SLC4A8: variants seen among roughly 807,000 people sequenced by gnomAD.
The protein encoded by SLC4A8 is solute carrier family 4 member 8.
A neutral mutation model predicts 125.0 loss-of-function variants in SLC4A8; 40 were observed. The observed-to-expected ratio is 0.32, with a 90% CI of 0.25 to 0.42. The LOEUF (loss-of-function observed/expected upper bound fraction) is 0.42, where lower values mean the gene tolerates loss of function less well. Ranked by LOEUF, SLC4A8 falls within the 10% of genes least tolerant of loss-of-function variation. The pLI is 1.00. For missense variants in SLC4A8, 863 were observed against 1,355.1 expected, an observed-to-expected ratio of 0.64 and a Z score of 5.70; for synonymous variants, 456 against 476.0, an observed-to-expected ratio of 0.96 and a Z score of 0.55.
chr12:51,393,898 T>A (rs1046097766), intron 1 of SLC4A8, among the ~76,000 whole-genome samples: 1 of 152,214 alleles, frequency 6.6e-6, no homozygotes, highest in Non-Finnish European at 1.5e-5. Flanking sequence ...CTGCTTCTAT[T>A]CTTGTCATGT....
In SLC4A8 at chr12:51,508,801, A is replaced by C. The variant is rs1592287793; in HGVS notation, c.*1363A>C. ...TAGCAAGCCCATTAGCACCCAGATAATTCTATCATGTTAGTTTCCCATCCT... is the reference window on the plus strand; with the variant it reads ...TAGCAAGCCCATTAGCACCCAGATACTTCTATCATGTTAGTTTCCCATCCT... On this transcript the variant is annotated 3_prime_UTR_variant, in exon 25 of 25. Transcript: ENST00000453097. 1 of 152,298 alleles carries C rather than the reference A, an allele frequency of 6.6e-6. No individual in the cohort carries two copies. The highest frequency in any genetic ancestry group is 1.9e-4 in the East Asian group (1 of 5,182). 9.4% of individuals were successfully genotyped at this position (152,298 alleles called of 1,614,324 possible).
At chr12:51,501,371 A>G (rs1937876713) in intron 22 of SLC4A8, among the ~76,000 whole-genome samples, 1 of 152,030 alleles carries the variant, frequency 6.6e-6, no homozygotes, top group African/African-American at 2.4e-5. Context: ...TGTGTACCCA[A>G]TGTTTAGCCT....
intron 20 of SLC4A8, 63 bp downstream of exon 20, chr12:51,493,835 A>G (rs1458010104): frequency 9.8e-7 from 1 of 1,016,162 alleles, no homozygotes; most frequent in Non-Finnish European, 1.6e-6. Context: ...CTGTCCAGGG[A>G]GGGACAGCTC....
intron 16 of SLC4A8, among the ~76,000 whole-genome samples, chr12:51,484,728 C>T (rs888758595): frequency 6.6e-6 from 1 of 152,136 alleles, no homozygotes; most frequent in Non-Finnish European, 1.5e-5. Flanking sequence ...ATTAAAGCCA[C>T]ACTATAAAGT....
chr12:51,463,410 G>GGTGTGTGT lies in SLC4A8; in HGVS notation c.1249-171_1249-164dup, dbSNP rs71731491. ...TATGGAACAGGAAGAGAAATTATGG[G>GGTGTGTGT]GTGTGTGTGTGTGTGTGTGTGTGTG... On this transcript the variant is annotated intron_variant, in intron 10 of 24. Coordinates refer to ENST00000453097, the MANE Select transcript of SLC4A8 (RefSeq NM_001039960.3). Among the ~76,000 whole-genome samples, 112 of 144,116 alleles carry GGTGTGTGT rather than the reference G, an allele frequency of 7.8e-4. 1 individual carries two copies. The highest frequency in any genetic ancestry group is 3.5e-3 in the Middle Eastern group (1 of 282). The allele number at this position is 144,116 out of a possible 152,430, so 94.5% of individuals were successfully genotyped here. A position where few individuals can be genotyped will look rare whatever the true frequency, so the allele number is the denominator to read the frequency against.
chr12:51,476,462 CAG>C (rs1375061032), intron 16 of SLC4A8, among the ~76,000 whole-genome samples: 1 of 151,460 alleles, frequency 6.6e-6, no homozygotes, highest in East Asian at 1.9e-4. Flanking sequence ...GCCTGGGCGA[CAG>C]AGTGAGACTC....
chr12:51,505,745 C>T (rs1352658615), intron 23 of SLC4A8, 90 bp from the exon 24 acceptor site: 4 of 543,414 alleles, frequency 7.4e-6, no homozygotes, highest in Admixed American at 6.5e-5. Flanking sequence ...ACCCCATCTT[C>T]TCCCTTCTAT....
In SLC4A8 at chr12:51,495,035, C is replaced by G. The variant is rs773227142; in HGVS notation, c.2860C>G (p.Leu954Val). ...LRHVPLRKVH[L>V]FTLIQLTCLV... is the part of the protein sequence containing the mutation. Reference sequence around the variant, plus strand: ...GCATGTGCCGCTGCGCAAAGTGCACCTCTTCACCCTCATCCAGTTGACCTG... The same window carrying G: ...GCATGTGCCGCTGCGCAAAGTGCACGTCTTCACCCTCATCCAGTTGACCTG... The change falls in exon 21 of 25, where the codon CTC (leucine) becomes GTC (valine). Residue 954 changes from leucine to valine, a missense_variant. Transcript: ENST00000453097. 2 of 1,614,082 alleles carry G rather than the reference C, an allele frequency of 1.2e-6. No homozygotes were observed. The highest frequency in any genetic ancestry group is 1.3e-5 in the African/African-American group (1 of 74,956).
Position 51,488,639 on chromosome 12 carries a change from A to G in SLC4A8, c.2287-60A>G, listed in dbSNP as rs202065453. The G allele has an allele frequency of 6.9e-4, 849 of 1,232,878 alleles. 5 individuals are homozygous for G. Among genetic ancestry groups the G allele is most frequent in the Non-Finnish European group, 1.5e-4 (128 of 877,006 alleles). The allele number at this position is 1,232,878 out of a possible 1,614,324, so 76.4% of individuals were successfully genotyped here. A position where few individuals can be genotyped will look rare whatever the true frequency, so the allele number is the denominator to read the frequency against. Reference sequence around the variant, plus strand: ...AATATGGATATTGTGATCCAGTTTGATATGTTTTACCCCAATGACTATAAC... The same window carrying G: ...AATATGGATATTGTGATCCAGTTTGGTATGTTTTACCCCAATGACTATAAC... On this transcript the variant is annotated intron_variant, in intron 17 of 24. Transcript: ENST00000453097.
At chr12:51,435,100 A>G (rs961199868) in intron 1 of SLC4A8, among the ~76,000 whole-genome samples, 8 of 152,088 alleles carry the variant, frequency 5.3e-5, no homozygotes, top group African/African-American at 1.4e-4. Flanking sequence ...CTTTCAGTAA[A>G]TTGGTATTTG....
chr12:51,406,096 G>T (rs2137951004), intron 1 of SLC4A8, among the ~76,000 whole-genome samples: 1 of 152,348 alleles, frequency 6.6e-6, no homozygotes, highest in Non-Finnish European at 1.5e-5. Context: ...AGTAGCAAGT[G>T]TGGTGGTAGC....
In SLC4A8 at chr12:51,508,051, G is replaced by GATGCCTC. The variant is rs1938242576; in HGVS notation, c.*614_*620dup. 1 of 152,358 alleles carries GATGCCTC rather than the reference G, an allele frequency of 6.6e-6. No individual in the cohort carries two copies. The highest frequency in any genetic ancestry group is 6.5e-5 in the Admixed American group (1 of 15,286). The allele number at this position is 152,358 out of a possible 1,614,324, so 9.4% of individuals were successfully genotyped here. On this transcript the variant is annotated 3_prime_UTR_variant, in exon 25 of 25. Transcript: ENST00000453097. ...CAGTGCCTGCCACCACAGCCAGGAAGATGCCTCTGACCTGGGTGCATCTCC... is the reference window on the plus strand; with the variant it reads ...CAGTGCCTGCCACCACAGCCAGGAAGATGCCTCATGCCTCTGACCTGGGTGCATCTCC...
intron 1 of SLC4A8, among the ~76,000 whole-genome samples, chr12:51,404,192 C>G (rs1194906327): frequency 1.3e-5 from 2 of 152,142 alleles, no homozygotes; most frequent in Admixed American, 6.5e-5. Flanking sequence ...GGCTTTGGAA[C>G]CCTGGGCTGC....
At chr12:51,453,448 G>A in intron 4 of SLC4A8, 91 bp from the exon 5 acceptor site, 1 of 1,305,354 alleles carries the variant, frequency 7.7e-7, no homozygotes, top group East Asian at 2.3e-5. Flanking sequence ...TGACTATCCA[G>A]ATATCTTCCT....
chr12:51,488,639 A>C, intron 17 of SLC4A8, 60 bp from the exon 18 acceptor site: 1 of 1,232,992 alleles, frequency 8.1e-7, no homozygotes, highest in South Asian at 1.6e-5. Flanking sequence ...ATCCAGTTTG[A>C]TATGTTTTAC....
chr12:51,392,819 CCT>C (rs1948171830), intron 1 of SLC4A8: 1 of 152,156 alleles, frequency 6.6e-6, no homozygotes, highest in Non-Finnish European at 1.5e-5. Context: ...GCTCAGTGGT[CCT>C]CTCCGGCGCT....
intron 22 of SLC4A8, among the ~76,000 whole-genome samples, chr12:51,498,155 A>G (rs1398755051): frequency 2.0e-5 from 3 of 152,148 alleles, no homozygotes; most frequent in African/African-American, 7.2e-5. Flanking sequence ...TCAATGGAAG[A>G]AAACTTTAAA....
At chr12:51,477,964 C>G (rs1371507589) in intron 16 of SLC4A8, among the ~76,000 whole-genome samples, 1 of 152,162 alleles carries the variant, frequency 6.6e-6, no homozygotes, top group Non-Finnish European at 1.5e-5. Flanking sequence ...AACGCTTTCT[C>G]TACTAAAAAT....
upstream of SLC4A8, among the ~76,000 whole-genome samples, chr12:51,421,032 G>T (rs1336430769): frequency 2.0e-5 from 3 of 152,152 alleles, no homozygotes; most frequent in African/African-American, 7.2e-5. Flanking sequence ...GTGTGTGTGT[G>T]TGTGCATGTG....
Sources: allele counts gnomAD v4.1 joint callset (sites outside exome capture counted in the v4.1 genomes callset), GRCh38; gene constraint gnomAD v4.1.1; transcripts MANE v1.5; gene names NCBI Gene and HGNC (gene_info 2026-07-23, HGNC 2026-07-21).